The following KIF26A variants were observed in gnomAD, a reference collection of about 807,000 sequenced individuals.
KIF26A encodes the protein kinesin-like protein KIF26A.
Under a neutral mutation model 126.0 loss-of-function variants are expected in KIF26A, and 74 were observed. The ratio of observed to expected loss-of-function variants is 0.59; its 90% CI spans 0.49 to 0.71. The LOEUF is 0.71. KIF26A is among the 30% of genes least tolerant of loss of function. KIF26A has a pLI of 0.00. For missense variants in KIF26A, 2,984 were observed against 2,763.3 expected (o/e 1.08, Z -1.79); for synonymous variants, 1,445 against 1,232.7 (o/e 1.17, Z -3.61).
chr14:104,178,513 C>T (rs753243775), intron 12 of KIF26A, 37 bp from the exon 13 acceptor site: 265 of 1,404,234 alleles, frequency 1.9e-4, no homozygotes, highest in African/African-American at 9.3e-4. Context: ...GGCTGGGCCC[C>T]GCCTCTGTTC....
At chr14:104,169,212 G>C (rs915022445) in intron 5 of KIF26A, among the ~76,000 whole-genome samples, 1 of 152,216 alleles carries the variant, frequency 6.6e-6, no homozygotes, top group African/African-American at 2.4e-5. Context: ...TCAGGTGTGG[G>C]CGGTGGTGGG....
chr14:104,179,810 G>C lies in KIF26A; in HGVS notation c.*20G>C. The C allele has an allele frequency of 6.6e-7, 1 of 1,507,666 alleles. No homozygotes were observed. The highest frequency in any genetic ancestry group is 8.9e-7 in the Non-Finnish European group (1 of 1,127,952). 93.4% of individuals were successfully genotyped at this position (1,507,666 alleles called of 1,614,324 possible). ...GTCTGAGGCTGGGCGCCGGACAAGA[G>C]GAGGGGGCGTGCAGCGGGCTGGAGG... is the stretch of plus-strand genomic sequence containing the variant. On this transcript the variant is annotated 3_prime_UTR_variant, in exon 15 of 15. Transcript: ENST00000423312.
Position 104,178,584 on chromosome 14 carries a change from G to A in KIF26A, c.5145G>A (p.Leu1715=), listed in dbSNP as rs768022174. The change falls in exon 13 of 15, where the codon CTG becomes CTA. Residue 1715 remains leucine (L), a synonymous_variant. Coordinates refer to ENST00000423312, the MANE Select transcript of KIF26A (RefSeq NM_015656.2). ...LQRRRLIPAP[L]PDTTALGRKP... ...GGCGGCGCCTGATTCCCGCCCCACT[G>A]CCCGACACCACTGCCCTGGGCCGTA... 1.4e-5 allele frequency: 21 copies of A among 1,519,160 alleles called. No homozygotes were observed. The Admixed American group carries it at 4.5e-4, about 32-fold the overall frequency. The allele number at this position is 1,519,160 out of a possible 1,614,324, so 94.1% of individuals were successfully genotyped here. A position where few individuals can be genotyped will look rare whatever the true frequency, so the allele number is the denominator to read the frequency against.
rs2037994502 is a variant in KIF26A at position 104,174,412 on chromosome 14, C to T, written c.2193+102C>T. The T allele has an allele frequency of 6.6e-6, 8 of 1,206,752 alleles. No individual in the cohort carries two copies. In the South Asian group the frequency reaches 8.8e-5, roughly 13 times the overall value. The allele number at this position is 1,206,752 out of a possible 1,614,324, so 74.8% of individuals were successfully genotyped here. A position where few individuals can be genotyped will look rare whatever the true frequency, so the allele number is the denominator to read the frequency against. ...GTTGGGGTGGGGGTCAGCAGGTGGCCTGGAGCCTGGGTAGATGTCCTATGT... is the reference window on the plus strand; with the variant it reads ...GTTGGGGTGGGGGTCAGCAGGTGGCTTGGAGCCTGGGTAGATGTCCTATGT... On this transcript the variant is annotated intron_variant, in intron 11 of 14. Coordinates refer to ENST00000423312, the MANE Select transcript of KIF26A (RefSeq NM_015656.2).
In KIF26A at chr14:104,157,825, A is replaced by G. The variant is rs2037795452; in HGVS notation, c.806A>G (p.Asp269Gly). 6.2e-7 allele frequency: 1 copy of G among 1,609,422 alleles called. No homozygotes were observed. Among genetic ancestry groups the G allele is most frequent in the Admixed American group, 1.7e-5 (1 of 59,726 alleles). Residue 269 changes from aspartate (D) to glycine (G), a missense_variant, in exon 4 of 15, where the codon GAT becomes GGT. Coordinates refer to ENST00000423312, the MANE Select transcript of KIF26A (RefSeq NM_015656.2). The stretch of plus-strand genomic sequence containing the variant: ...GAATGCCCCCCCGTGGCCGGCCCTG[A>G]TGGCTTGTCGAAGGCCTGGGGCCGT... ...VRECPPVAGP[D>G]GLSKAWGRGG...
At position 104,151,805 on chromosome 14, in the gene KIF26A, G is replaced by A. The variant is rs915843936; in HGVS notation, c.289-210G>A. ...CTGGGGAAGGTGGACAGTTAACAAG[G>A]ACATTGTGAGCCTCACGATGAAGCC... On this transcript the variant is annotated intron_variant, in intron 2 of 14. Transcript: ENST00000423312. The surrounding 1 kb of genome is among the most constrained non-coding windows in gnomAD (Gnocchi z 4.9). Among the ~76,000 whole-genome samples the A allele has an allele frequency of 6.6e-6, 1 of 152,250 alleles. No individual in the cohort carries two copies. The highest frequency in any genetic ancestry group is 6.5e-5 in the Admixed American group (1 of 15,292).
chr14:104,173,847 G>A lies in KIF26A; in HGVS notation c.2009G>A (p.Gly670Glu). 1.3e-6 allele frequency: 2 copies of A among 1,596,742 alleles called. No individual in the cohort carries two copies. The highest frequency in any genetic ancestry group is 1.7e-6 in the Non-Finnish European group (2 of 1,176,930). The change falls in exon 10 of 15, where the codon GGA becomes GAA. Residue 670 changes from glycine to glutamate, a missense_variant. Physicochemically the swap from Gly to Glu is moderately conservative, Grantham distance 98. Transcript: ENST00000423312. Reference sequence around the variant, plus strand: ...AGCGTCATCTTGGCCCTGGTCAACGGAGCCAAGCATGTGCCGTATCGGTGA... The same window carrying A: ...AGCGTCATCTTGGCCCTGGTCAACGAAGCCAAGCATGTGCCGTATCGGTGA... The part of the protein sequence containing the change: ...LGSVILALVN[G>E]AKHVPYRDHR...
rs544931549 is a variant in KIF26A, at chr14:104,177,534, G to T, written c.4746G>T (p.Ser1582=). ...ASGAPGRGGS[S]WGSADSDSGH... ...GAGCCCCGGGCCGAGGTGGCTCCTCGTGGGGCTCGGCGGACTCAGACAGCG... is the reference window on the plus strand; with the variant it reads ...GAGCCCCGGGCCGAGGTGGCTCCTCTTGGGGCTCGGCGGACTCAGACAGCG... Residue 1582 remains serine, a synonymous_variant, in exon 12 of 15, where the codon TCG becomes TCT. Transcript: ENST00000423312. 22 of 1,536,862 alleles carry T rather than the reference G, an allele frequency of 1.4e-5. 1 individual carries two copies. Among genetic ancestry groups the T allele is most frequent in the Middle Eastern group, 3.7e-4 (2 of 5,424 alleles).
intron 3 of KIF26A, among the ~76,000 whole-genome samples, chr14:104,156,020 C>T (rs535897382): frequency 1.5e-4 from 23 of 152,254 alleles, no homozygotes; most frequent in East Asian, 3.9e-4. Flanking sequence ...TGTGGCCCCA[C>T]GGTGGTGCCA....
At position 104,177,312 on chromosome 14, in the gene KIF26A, G is replaced by T; in HGVS notation, c.4524G>T (p.Ser1508=). 1.9e-6 allele frequency: 3 copies of T among 1,546,540 alleles called. No individual in the cohort carries two copies. Among genetic ancestry groups the T allele is most frequent in the Middle Eastern group, 1.7e-4 (1 of 5,916 alleles). ...GKGRGLVAGG[S]RALGPSVKLS... ...GCCGTGGCCTAGTGGCTGGTGGGTC[G>T]CGGGCTCTGGGGCCTTCGGTGAAGC... The change falls in exon 12 of 15, where the codon TCG becomes TCT. Residue 1508 remains serine (S), a synonymous_variant. Transcript: ENST00000423312.
At chr14:104,154,000 C>T (rs183414238) in intron 3 of KIF26A, among the ~76,000 whole-genome samples, 2 of 152,326 alleles carry the variant, frequency 1.3e-5, no homozygotes, top group African/African-American at 4.8e-5. Context: ...TATAATTAGA[C>T]AGCAGTCCGG....
At position 104,157,889 on chromosome 14, in the gene KIF26A, G is replaced by A. The variant is rs367939960; in HGVS notation, c.870G>A (p.Pro290=). Residue 290 remains proline, a synonymous_variant, in exon 4 of 15, where the codon CCG becomes CCA. Transcript: ENST00000423312. ...CGTCAGCCCTGGTCACCCCCACCCC[G>A]GGCTCGGTGGGGGGCTCCACAGGCC... The part of the protein sequence containing the change: ...VCTSALVTPT[P]GSVGGSTGPS... 416 of 1,572,494 alleles carry A rather than the reference G, an allele frequency of 2.6e-4. 1 individual carries two copies. The Middle Eastern group carries it at 9.4e-3, about 35-fold the overall frequency.
intron 4 of KIF26A, among the ~76,000 whole-genome samples, chr14:104,165,851 G>GTA (rs1185505831): frequency 1.3e-5 from 2 of 152,094 alleles, no homozygotes; most frequent in African/African-American, 4.8e-5. Context: ...GTGTGTGTCT[G>GTA]TGTGTGTCTC....
intron 2 of KIF26A, among the ~76,000 whole-genome samples, chr14:104,145,594 A>G (rs2037673489): frequency 7.3e-6 from 1 of 136,430 alleles, no homozygotes. Flanking sequence ...GTGTTGCCTG[A>G]GCTTTGGCCT....
At chr14:104,173,944 G>A (rs908454324) in intron 10 of KIF26A, 76 bp downstream of exon 10, 7 of 1,485,480 alleles carry the variant, frequency 4.7e-6, no homozygotes, top group Middle Eastern at 1.8e-4. Context: ...TGGTGTGCCC[G>A]GTGCTGCTGT....
At chr14:104,141,340 T>C (rs980427786) in intron 2 of KIF26A, among the ~76,000 whole-genome samples, 3 of 152,182 alleles carry the variant, frequency 2.0e-5, no homozygotes, top group East Asian at 1.9e-4. Flanking sequence ...CCGTTTCGTA[T>C]TTTTTAGGGG....
At chr14:104,150,612 C>T (rs1475987240) in intron 2 of KIF26A, among the ~76,000 whole-genome samples, 1 of 152,188 alleles carries the variant, frequency 6.6e-6, no homozygotes, top group Non-Finnish European at 1.5e-5. Context: ...GACTAAGACA[C>T]CCCCTCCCCG....
In KIF26A at chr14:104,157,824, G is replaced by A. The variant is rs776524977; in HGVS notation, c.805G>A (p.Asp269Asn). Residue 269 changes from aspartate (D) to asparagine (N), a missense_variant, in exon 4 of 15, where the codon GAT becomes AAT. Transcript: ENST00000423312. ...AGAATGCCCCCCCGTGGCCGGCCCT[G>A]ATGGCTTGTCGAAGGCCTGGGGCCG... is the stretch of plus-strand genomic sequence containing the variant. ...VRECPPVAGP[D>N]GLSKAWGRGG... 6.2e-7 allele frequency: 1 copy of A among 1,609,804 alleles called. No individual in the cohort carries two copies. Among genetic ancestry groups the A allele is most frequent in the Non-Finnish European group, 8.5e-7 (1 of 1,178,522 alleles).
In KIF26A at chr14:104,179,872, T is replaced by G; in HGVS notation, c.*82T>G. 3.5e-5 allele frequency: 41 copies of G among 1,163,774 alleles called. No homozygotes were observed. The highest frequency in any genetic ancestry group is 1.4e-4 in the South Asian group (6 of 43,394). 72.1% of individuals were successfully genotyped at this position (1,163,774 alleles called of 1,614,324 possible). ...GACGGAGCGAGGATGTGGTGGGGGCTGCGGGGGGAGGATGCGGAGGGGTTT... is the reference window on the plus strand; with the variant it reads ...GACGGAGCGAGGATGTGGTGGGGGCGGCGGGGGGAGGATGCGGAGGGGTTT... On this transcript the variant is annotated 3_prime_UTR_variant, in exon 15 of 15. Transcript: ENST00000423312.
Sources: gnomAD v4.1 joint callset for allele counts (sites outside exome capture counted in the v4.1 genomes callset) on GRCh38, gnomAD v4.1.1 for gene constraint, Gnocchi (gnomAD v3.1) non-coding constraint, MANE v1.5 for transcripts, NCBI Gene and HGNC (gene_info 2026-07-23, HGNC 2026-07-21) for gene names.